The following MED13L variants were observed in gnomAD, a reference collection of about 807,000 sequenced individuals.
MED13L encodes the protein mediator of RNA polymerase II transcription subunit 13-like.
MED13L carries 7 observed loss-of-function variants against 220.9 expected under a neutral mutation model. That is an observed-to-expected ratio of 0.03 (90% CI 0.02 to 0.06). The LOEUF is 0.06. Among genes scored for constraint, MED13L ranks in the 10% least tolerant of loss-of-function variants. MED13L has a pLI of 1.00. For synonymous variants in MED13L, 1,011 were observed against 1,015.2 expected, an observed-to-expected ratio of 1.00 and a Z score of 0.08; for missense variants, 1,965 against 2,760.5, an observed-to-expected ratio of 0.71 and a Z score of 6.46.
chr12:116,005,852 A>G lies in MED13L; in HGVS notation c.2469+17T>C, dbSNP rs1879014669. ...CATGTAGCGAAATTTTTGTTTATGT[A>G]GCTACGGCAAACTCACCCCAAGTTC... On this transcript the variant is annotated intron_variant, in intron 13 of 30. Coordinates refer to ENST00000281928, the MANE Select transcript of MED13L (RefSeq NM_015335.5). The G allele has an allele frequency of 1.2e-6, 2 of 1,613,564 alleles. No homozygotes were observed. The highest frequency in any genetic ancestry group is 1.7e-5 in the Admixed American group (1 of 59,994).
At position 116,008,499 on chromosome 12, in the gene MED13L, G is replaced by A. The variant is rs1279215396; in HGVS notation, c.1914C>T (p.Leu638=). Residue 638 remains leucine (L), a synonymous_variant, in exon 10 of 31, where the codon CTC becomes CTT. Coordinates refer to ENST00000281928, the MANE Select transcript of MED13L (RefSeq NM_015335.5). The stretch of plus-strand genomic sequence containing the variant: ...TGAACTCAGCATCATCACTGGGTGG[G>A]AGACGATAACTATGCCACCACTTTT... ...SSEKWWHSYR[L]PPSDDAEFRP... 4 of 1,613,770 alleles carry A rather than the reference G, an allele frequency of 2.5e-6. No individual in the cohort carries two copies. The Admixed American group carries it at 5.0e-5, about 20-fold the overall frequency.
At chr12:116,059,944 T>C (rs1459304915) in intron 4 of MED13L, among the ~76,000 whole-genome samples, 1 of 152,124 alleles carries the variant, frequency 6.6e-6, no homozygotes, top group Non-Finnish European at 1.5e-5. Context: ...AACTGAAATA[T>C]ACAAGAAACA....
intron 18 of MED13L, 116 bp from the exon 19 acceptor site, chr12:115,986,605 C>A: frequency 1.1e-6 from 1 of 947,530 alleles, no homozygotes; most frequent in Admixed American, 2.0e-5. Context: ...ACTCCATGTT[C>A]ACAAGACATT....
intron 2 of MED13L, among the ~76,000 whole-genome samples, chr12:116,155,862 C>G (rs1270969328): frequency 6.6e-6 from 1 of 152,128 alleles, no homozygotes; most frequent in Non-Finnish European, 1.5e-5. Flanking sequence ...TTCACTCTTC[C>G]ATTTTAATAA....
chr12:115,966,554 A>G (rs1425769727), intron 28 of MED13L, among the ~76,000 whole-genome samples: 1 of 152,156 alleles, frequency 6.6e-6, no homozygotes, highest in Non-Finnish European at 1.5e-5. Context: ...AAAGATTACA[A>G]TCTCTGACAG....
intron 4 of MED13L, among the ~76,000 whole-genome samples, chr12:116,093,086 T>C (rs1872369369): frequency 1.3e-5 from 2 of 152,294 alleles, no homozygotes; most frequent in South Asian, 4.1e-4. Flanking sequence ...TGAGATTAAA[T>C]TAGAAAACAA....
intron 1 of MED13L, among the ~76,000 whole-genome samples, chr12:116,268,902 CTT>C (rs1215570820): frequency 6.6e-6 from 1 of 152,154 alleles, no homozygotes; most frequent in Non-Finnish European, 1.5e-5. Context: ...CTAATGAAGA[CTT>C]AAATATTTTC....
intron 27 of MED13L, among the ~76,000 whole-genome samples, chr12:115,969,869 T>C (rs915064999): frequency 2.6e-5 from 4 of 152,108 alleles, no homozygotes; most frequent in African/African-American, 9.7e-5. Context: ...AAAAGTAAGG[T>C]ACACTCACAG....
intron 30 of MED13L, among the ~76,000 whole-genome samples, chr12:115,962,287 C>A (rs1316376913): frequency 6.6e-6 from 1 of 152,098 alleles, no homozygotes; most frequent in African/African-American, 2.4e-5. Context: ...AACTGTTCCA[C>A]CTTAAATCAT....
At chr12:116,045,332 G>C (rs764325915) in intron 4 of MED13L, among the ~76,000 whole-genome samples, 2 of 152,112 alleles carry the variant, frequency 1.3e-5, no homozygotes, top group Non-Finnish European at 2.9e-5. Flanking sequence ...GACAACAAAT[G>C]AAAGCCTCAG....
chr12:116,151,117 A>C (rs1243305952), intron 2 of MED13L, among the ~76,000 whole-genome samples: 1 of 152,278 alleles, frequency 6.6e-6, no homozygotes, highest in East Asian at 1.9e-4. Flanking sequence ...AAATGAGAAA[A>C]CTACAGAGAA....
intron 1 of MED13L, among the ~76,000 whole-genome samples, chr12:116,261,052 C>T (rs1872476210): frequency 6.6e-6 from 1 of 152,102 alleles, no homozygotes; most frequent in Non-Finnish European, 1.5e-5. Context: ...TCTTCCCCTG[C>T]CAAAATTCAC....
chr12:116,000,970 A>G (rs1393404106), intron 14 of MED13L, among the ~76,000 whole-genome samples: 1 of 152,212 alleles, frequency 6.6e-6, no homozygotes, highest in Non-Finnish European at 1.5e-5. Flanking sequence ...TAAAATATGT[A>G]CAACCATTAT....
chr12:116,042,524 G>C (rs12424362), intron 4 of MED13L, among the ~76,000 whole-genome samples: 2 of 152,280 alleles, frequency 1.3e-5, no homozygotes, highest in African/African-American at 4.8e-5. Context: ...AGACAAGGTA[G>C]AGAGAAATAT....
chr12:116,148,875 G>A (rs1224010932), intron 2 of MED13L, among the ~76,000 whole-genome samples: 5 of 151,538 alleles, frequency 3.3e-5, no homozygotes, highest in African/African-American at 9.7e-5. Context: ...TATTGCCTTC[G>A]ATCCACTCTT....
chr12:115,966,091 G>C lies in MED13L; in HGVS notation c.6378C>G (p.Leu2126=). 1 of 1,614,118 alleles carries C rather than the reference G, an allele frequency of 6.2e-7. No individual in the cohort carries two copies. The highest frequency in any genetic ancestry group is 1.1e-5 in the South Asian group (1 of 91,078). ...SCPQAQNQCP[L]FLKASLHHHI... ...ATGACACCAAACCAACCTTTAAGAAGAGAGGGCACTGGTTTTGAGCCTGGG... is the reference window on the plus strand; with the variant it reads ...ATGACACCAAACCAACCTTTAAGAACAGAGGGCACTGGTTTTGAGCCTGGG... Residue 2126 remains leucine (L), a synonymous_variant, in exon 29 of 31, where the codon CTC becomes CTG. Coordinates refer to ENST00000281928, the MANE Select transcript of MED13L (RefSeq NM_015335.5).
At chr12:115,979,770 T>C (rs1448175563) in intron 23 of MED13L, among the ~76,000 whole-genome samples, 2 of 152,222 alleles carry the variant, frequency 1.3e-5, no homozygotes, top group African/African-American at 4.8e-5. Flanking sequence ...TGCAATAAAA[T>C]TGTGGGAACT....
chr12:116,141,041 A>G (rs1398023080), intron 2 of MED13L, among the ~76,000 whole-genome samples: 7 of 152,234 alleles, frequency 4.6e-5, no homozygotes, highest in African/African-American at 1.7e-4. Context: ...GAGAGCAAAG[A>G]GACACACAGG....
chr12:115,990,706 A>G (rs1271723731), intron 17 of MED13L, among the ~76,000 whole-genome samples: 1 of 152,202 alleles, frequency 6.6e-6, no homozygotes, highest in Admixed American at 6.5e-5. Flanking sequence ...AAGAGTGTGC[A>G]AATTATCAGT....
Sources: gnomAD v4.1 joint callset for allele counts (sites outside exome capture counted in the v4.1 genomes callset) on GRCh38, gnomAD v4.1.1 for gene constraint, MANE v1.5 for transcripts, NCBI Gene and HGNC (gene_info 2026-07-23, HGNC 2026-07-21) for gene names.